Variants in MYO1D observed in about 807,000 individuals in gnomAD.
MYO1D encodes the protein unconventional myosin-Id.
A neutral mutation model predicts 122.0 loss-of-function variants in MYO1D; 83 were observed. That is an observed-to-expected ratio of 0.68 (90% CI 0.57 to 0.82). The LOEUF is 0.82. Among genes scored for constraint, MYO1D ranks in the 40% least tolerant of loss-of-function variants. The pLI is 0.00. For synonymous variants in MYO1D, 464 were observed against 446.9 expected (o/e 1.04, Z -0.48); for missense variants, 1,157 against 1,269.5 (o/e 0.91, Z 1.35).
intron 16 of MYO1D, among the ~76,000 whole-genome samples, chr17:32,676,508 T>C (rs1386267994): frequency 1.3e-5 from 2 of 152,148 alleles, no homozygotes; most frequent in Non-Finnish European, 2.9e-5. Flanking sequence ...TTCAGGTCAA[T>C]GAAACAGGAG....
At chr17:32,672,481 T>A (rs921601474) in intron 16 of MYO1D, among the ~76,000 whole-genome samples, 11 of 152,152 alleles carry the variant, frequency 7.2e-5, no homozygotes, top group Admixed American at 5.2e-4. Flanking sequence ...CATAAAGGTT[T>A]TTTTTCGTTT....
At chr17:32,590,846 ATC>A (rs1288574871) in intron 21 of MYO1D, among the ~76,000 whole-genome samples, 3 of 152,236 alleles carry the variant, frequency 2.0e-5, no homozygotes, top group Admixed American at 6.5e-5. Flanking sequence ...TCACAGGAAG[ATC>A]TCTGTTTTAA....
chr17:32,716,169 T>A (rs1360546714), intron 15 of MYO1D, among the ~76,000 whole-genome samples: 1 of 152,244 alleles, frequency 6.6e-6, no homozygotes, highest in Non-Finnish European at 1.5e-5. Context: ...TCAGGGTCTT[T>A]GCACATGCTG....
chr17:32,527,042 T>C lies in MYO1D; in HGVS notation c.2865-32127A>G, dbSNP rs77597113. On this transcript the variant is annotated intron_variant, in intron 21 of 21. Transcript: ENST00000318217. ...CACCAAGAGCAGCAATTATCAGCCA[T>C]CCCATACAGTGCTGCTTGGTTTCTC... Among the ~76,000 whole-genome samples, 54 of 152,296 alleles carry C rather than the reference T, an allele frequency of 3.5e-4. 2 individuals are homozygous for C. The East Asian group carries it at 7.9e-3, about 22-fold the overall frequency.
chr17:32,654,731 T>C, intron 17 of MYO1D, 110 bp from the exon 18 acceptor site: 1 of 1,039,896 alleles, frequency 9.6e-7, no homozygotes, highest in Non-Finnish European at 1.3e-6. Flanking sequence ...CAGGCTGGAG[T>C]GCATGGCATG....
chr17:32,632,604 C>T (rs1051753291), intron 20 of MYO1D: 35 of 149,916 alleles, frequency 2.3e-4, no homozygotes, highest in African/African-American at 7.4e-4. Context: ...CACACACACA[C>T]ACACACACAC....
intron 16 of MYO1D, among the ~76,000 whole-genome samples, chr17:32,676,961 C>T (rs1164049281): frequency 6.6e-6 from 1 of 152,042 alleles, no homozygotes; most frequent in East Asian, 1.9e-4. Flanking sequence ...CAGGCGCCCA[C>T]CACCATGCCC....
intron 21 of MYO1D, among the ~76,000 whole-genome samples, chr17:32,587,512 C>CAA (rs576200395): frequency 6.7e-5 from 7 of 104,236 alleles, no homozygotes; most frequent in Non-Finnish European, 8.0e-5. Context: ...AACTCCGTTT[C>CAA]AAAAAAAAAA....
intron 1 of MYO1D, among the ~76,000 whole-genome samples, chr17:32,837,795 T>A (rs2090842026): frequency 1.3e-5 from 2 of 152,136 alleles, no homozygotes; most frequent in South Asian, 2.1e-4. Context: ...GGACAAAAAA[T>A]TTGTATTTCA....
chr17:32,697,041 A>G (rs1240113697), intron 16 of MYO1D, among the ~76,000 whole-genome samples: 3 of 152,186 alleles, frequency 2.0e-5, no homozygotes, highest in Admixed American at 6.5e-5. Flanking sequence ...TTCTTCCAGA[A>G]AGTGTCCTCT....
intron 21 of MYO1D, among the ~76,000 whole-genome samples, chr17:32,567,225 T>C (rs1191970722): frequency 6.6e-6 from 1 of 152,202 alleles, no homozygotes; most frequent in Non-Finnish European, 1.5e-5. Context: ...GACAGGAACC[T>C]TGTTTATCCT....
intron 21 of MYO1D, among the ~76,000 whole-genome samples, chr17:32,580,186 A>G (rs770129532): frequency 1.3e-5 from 2 of 151,868 alleles, no homozygotes; most frequent in Non-Finnish European, 2.9e-5. Flanking sequence ...AGGGGAAAAC[A>G]TTCAGTCTTT....
chr17:32,509,203 T>A (rs1909600969), intron 21 of MYO1D, among the ~76,000 whole-genome samples: 1 of 152,170 alleles, frequency 6.6e-6, no homozygotes, highest in East Asian at 1.9e-4. Context: ...AAGGGGCTGT[T>A]TATGTGTCAA....
chr17:32,505,869 G>A (rs968205318), intron 21 of MYO1D, among the ~76,000 whole-genome samples: 1 of 152,140 alleles, frequency 6.6e-6, no homozygotes, highest in Admixed American at 6.5e-5. Flanking sequence ...GAAAAAAACC[G>A]TCCACCTAGA....
At chr17:32,823,838 C>T (rs1363293219) in intron 1 of MYO1D, among the ~76,000 whole-genome samples, 1 of 151,920 alleles carries the variant, frequency 6.6e-6, no homozygotes, top group African/African-American at 2.4e-5. Flanking sequence ...GAGGCTGAGG[C>T]GGGTGGATCA....
chr17:32,564,169 G>A (rs1208307717), intron 21 of MYO1D, among the ~76,000 whole-genome samples: 1 of 152,230 alleles, frequency 6.6e-6, no homozygotes, highest in Non-Finnish European at 1.5e-5. Context: ...GCCCTGCCTG[G>A]GGGCAGTAAG....
chr17:32,505,784 A>T (rs1313642657), intron 21 of MYO1D: 1 of 152,284 alleles, frequency 6.6e-6, no homozygotes, highest in Admixed American at 6.5e-5. Context: ...ACCCAGAGAG[A>T]AAAGACACGT....
rs371150333 is a variant in MYO1D, at chr17:32,735,081, AACACACACACACACACAC to A, written c.1746+3154_1746+3171del. On this transcript the variant is annotated intron_variant, in intron 14 of 21. Coordinates refer to ENST00000318217, the MANE Select transcript of MYO1D (RefSeq NM_015194.3). ...GGGCAACAAAGCAAGATTCCATCTG[AACACACACACACACACAC>A]ACACACACACACACACACACACACG... 6.5e-5 allele frequency among the ~76,000 whole-genome samples: 9 copies of A among 138,106 alleles called. No individual in the cohort carries two copies. The East Asian group carries it at 8.7e-4, about 13-fold the overall frequency. 90.6% of individuals were successfully genotyped at this position (138,106 alleles called of 152,430 possible).
At chr17:32,650,529 C>G (rs1227835691) in intron 19 of MYO1D, among the ~76,000 whole-genome samples, 2 of 152,060 alleles carry the variant, frequency 1.3e-5, no homozygotes, top group Non-Finnish European at 2.9e-5. Flanking sequence ...TCGGCTGCAC[C>G]TATATTAGGC....
Sources: allele counts gnomAD v4.1 joint callset (sites outside exome capture counted in the v4.1 genomes callset), GRCh38; gene constraint gnomAD v4.1.1; transcripts MANE v1.5; gene names NCBI Gene and HGNC (gene_info 2026-07-23, HGNC 2026-07-21).